Variants in TRAPPC9 observed in about 807,000 individuals in gnomAD.
The protein encoded by TRAPPC9 is IKK2 binding protein.
In TRAPPC9, 83 loss-of-function variants were observed where a neutral mutation model predicts 124.0. That is an observed-to-expected ratio of 0.67 (90% CI 0.56 to 0.80). The LOEUF (loss-of-function observed/expected upper bound fraction) is 0.80, where lower values mean the gene tolerates loss of function less well. Ranked by LOEUF, TRAPPC9 falls within the 30% of genes least tolerant of loss-of-function variation. TRAPPC9 has a pLI of 0.00. For synonymous variants in TRAPPC9, 638 were observed against 617.5 expected (o/e 1.03, Z -0.49); for missense variants, 1,302 against 1,508.3 (o/e 0.86, Z 2.27).
chr8:139,835,346 C>G (rs1826262233), intron 21 of TRAPPC9, among the ~76,000 whole-genome samples: 1 of 152,234 alleles, frequency 6.6e-6, no homozygotes. Context: ...GTCACTGAGC[C>G]AAGGAACCTG....
At chr8:139,952,464 T>C (rs888907607) in intron 19 of TRAPPC9, among the ~76,000 whole-genome samples, 2 of 152,138 alleles carry the variant, frequency 1.3e-5, no homozygotes, top group African/African-American at 4.8e-5. Context: ...AAGACTAAAG[T>C]AGAATGCACC....
At chr8:139,782,611 G>A (rs1821912620) in intron 21 of TRAPPC9, among the ~76,000 whole-genome samples, 1 of 152,184 alleles carries the variant, frequency 6.6e-6, no homozygotes, top group African/African-American at 2.4e-5. Flanking sequence ...AATCTGCTAT[G>A]GTAGGTGGGC....
At chr8:140,393,911 G>A (rs1481607719) in intron 7 of TRAPPC9, among the ~76,000 whole-genome samples, 2 of 152,152 alleles carry the variant, frequency 1.3e-5, no homozygotes, top group African/African-American at 2.4e-5. Flanking sequence ...GCCAAGCGTC[G>A]TGCTGGGGAA....
chr8:140,046,313 C>T (rs949781970), intron 17 of TRAPPC9, among the ~76,000 whole-genome samples: 1 of 152,270 alleles, frequency 6.6e-6, no homozygotes, highest in Non-Finnish European at 1.5e-5. Flanking sequence ...GCAACAATGC[C>T]TTCTTGGCAA....
At chr8:139,741,861 T>C (rs11779082) in intron 21 of TRAPPC9, among the ~76,000 whole-genome samples, 7,692 of 152,268 alleles carry the variant, frequency 0.051, 241 homozygotes, top group South Asian at 0.13. Flanking sequence ...GCTGCGTTCT[T>C]TCTCATGGCG....
intron 8 of TRAPPC9, among the ~76,000 whole-genome samples, chr8:140,364,124 G>A (rs1033232425): frequency 9.9e-5 from 15 of 152,142 alleles, no homozygotes; most frequent in Non-Finnish European, 1.5e-5. Context: ...CCCCGAAGGA[G>A]GCAAGAGGCA....
chr8:140,321,456 A>C (rs750468695), intron 9 of TRAPPC9, among the ~76,000 whole-genome samples: 2 of 152,252 alleles, frequency 1.3e-5, no homozygotes, highest in African/African-American at 2.4e-5. Flanking sequence ...ACTAACAATG[A>C]GAATGAGATG....
At chr8:139,906,215 G>A (rs1011199935) in intron 20 of TRAPPC9, among the ~76,000 whole-genome samples, 4 of 152,234 alleles carry the variant, frequency 2.6e-5, no homozygotes, top group East Asian at 1.9e-4. Flanking sequence ...ATGGCTGACC[G>A]CCCTGGGCCA....
intron 9 of TRAPPC9, among the ~76,000 whole-genome samples, chr8:140,330,189 C>T (rs2066860106): frequency 6.6e-6 from 1 of 151,604 alleles, no homozygotes; most frequent in South Asian, 2.1e-4. Context: ...CTGAAACTGC[C>T]ACTCCAACAT....
chr8:139,984,488 G>A lies in TRAPPC9; in HGVS notation c.2810+4238C>T, dbSNP rs1046726093. Among the ~76,000 whole-genome samples the A allele has an allele frequency of 7.2e-5, 11 of 152,234 alleles. No individual in the cohort carries two copies. Among genetic ancestry groups the A allele is most frequent in the South Asian group, 2.1e-4 (1 of 4,812 alleles). On this transcript the variant is annotated intron_variant, in intron 19 of 22. Coordinates refer to ENST00000438773, the MANE Select transcript of TRAPPC9 (RefSeq NM_001160372.4). The surrounding 1 kb of genome is among the most constrained non-coding windows in gnomAD (Gnocchi z 4.3). The stretch of plus-strand genomic sequence containing the variant: ...GGGGTGGTGGCAGGGGTGCCTCCTC[G>A]TAGGGGAACGGGAGAGCCAGGAGAG...
intron 21 of TRAPPC9, among the ~76,000 whole-genome samples, chr8:139,737,288 G>A (rs1432444111): frequency 1.3e-5 from 2 of 152,176 alleles, no homozygotes; most frequent in Non-Finnish European, 2.9e-5. Context: ...TGGGGGACCC[G>A]CTGCTCAATC....
chr8:140,419,604 G>T (rs1187534431), intron 5 of TRAPPC9, among the ~76,000 whole-genome samples: 1 of 151,764 alleles, frequency 6.6e-6, no homozygotes, highest in Non-Finnish European at 1.5e-5. Context: ...GAAAGGAAGA[G>T]GCCGGGTGCG....
At chr8:139,820,663 C>T (rs939608651) in intron 21 of TRAPPC9, among the ~76,000 whole-genome samples, 1 of 152,160 alleles carries the variant, frequency 6.6e-6, no homozygotes, top group African/African-American at 2.4e-5. Context: ...TAAAACATAT[C>T]TTAAAGCCAT....
chr8:140,093,906 C>T (rs1844744193), intron 17 of TRAPPC9, among the ~76,000 whole-genome samples: 2 of 152,102 alleles, frequency 1.3e-5, no homozygotes, highest in Admixed American at 1.3e-4. Context: ...GCTTTCTTTC[C>T]AAAACTCCCC....
chr8:139,738,673 A>G (rs1319481823), intron 21 of TRAPPC9, among the ~76,000 whole-genome samples: 1 of 152,212 alleles, frequency 6.6e-6, no homozygotes, highest in Non-Finnish European at 1.5e-5. Flanking sequence ...TGTGCTGTTT[A>G]AGCCACTAAC....
intron 15 of TRAPPC9, among the ~76,000 whole-genome samples, chr8:140,267,708 C>G (rs2064730491): frequency 2.6e-5 from 4 of 152,092 alleles, no homozygotes; most frequent in Admixed American, 2.6e-4. Context: ...ACTCTGTCAC[C>G]CAGGCTGCAG....
chr8:139,968,127 C>T (rs368949764), intron 19 of TRAPPC9, among the ~76,000 whole-genome samples: 13 of 148,708 alleles, frequency 8.7e-5, no homozygotes, highest in South Asian at 4.2e-4. Flanking sequence ...CCAGCCTGGG[C>T]GACAGAGCAA....
intron 21 of TRAPPC9, among the ~76,000 whole-genome samples, chr8:139,813,394 G>A (rs1824578959): frequency 6.6e-6 from 1 of 152,202 alleles, no homozygotes; most frequent in African/African-American, 2.4e-5. Flanking sequence ...CCAGGCCCAC[G>A]GCCAGCCCCC....
intron 21 of TRAPPC9, among the ~76,000 whole-genome samples, chr8:139,756,804 C>T (rs1159512890): frequency 1.6e-5 from 2 of 125,344 alleles, no homozygotes; most frequent in Admixed American, 7.9e-5. Flanking sequence ...GACAGCATGT[C>T]GCAGGAGGAG....
Sources: allele counts gnomAD v4.1 joint callset (sites outside exome capture counted in the v4.1 genomes callset), GRCh38; gene constraint gnomAD v4.1.1; non-coding constraint Gnocchi (gnomAD v3.1); transcripts MANE v1.5; gene names NCBI Gene and HGNC (gene_info 2026-07-23, HGNC 2026-07-21).